Variants in MAST4 observed in about 807,000 individuals in gnomAD.
MAST4 encodes the protein microtubule-associated serine/threonine-protein kinase 4.
Under a neutral mutation model 162.7 loss-of-function variants are expected in MAST4, and 89 were observed. The observed-to-expected ratio is 0.55, with a 90% CI of 0.46 to 0.65. MAST4 has a LOEUF of 0.65. Ranked by LOEUF, MAST4 falls within the 30% of genes least tolerant of loss-of-function variation. The pLI is 0.00. For missense variants in MAST4, 3,153 were observed against 3,374.0 expected, an observed-to-expected ratio of 0.93 and a Z score of 1.62; for synonymous variants, 1,479 against 1,361.1, an observed-to-expected ratio of 1.09 and a Z score of -1.91.
intron 11 of MAST4, among the ~76,000 whole-genome samples, chr5:67,111,221 A>G (rs1475818430): frequency 6.6e-6 from 1 of 152,234 alleles, no homozygotes; most frequent in Admixed American, 6.5e-5. Flanking sequence ...TCCACTGGTT[A>G]TTAAAGTAAT....
intron 3 of MAST4, among the ~76,000 whole-genome samples, chr5:66,837,889 TATA>T (rs1475975186): frequency 1.1e-4 from 3 of 28,336 alleles, no homozygotes; most frequent in African/African-American, 3.2e-4. Flanking sequence ...TATATATATA[TATA>T]TATTTTTTTT....
intron 3 of MAST4, among the ~76,000 whole-genome samples, chr5:66,853,039 C>T (rs1192102979): frequency 6.6e-6 from 1 of 152,206 alleles, no homozygotes; most frequent in African/African-American, 2.4e-5. Context: ...TAAATCAAGT[C>T]CCTTTGTGAT....
intron 7 of MAST4, among the ~76,000 whole-genome samples, chr5:67,098,481 T>A (rs1268350045): frequency 6.6e-6 from 1 of 152,186 alleles, no homozygotes; most frequent in Non-Finnish European, 1.5e-5. Context: ...TAAATTATTT[T>A]CTGCTGAAAG....
chr5:66,670,403 C>T (rs990854116), intron 1 of MAST4, among the ~76,000 whole-genome samples: 1 of 152,020 alleles, frequency 6.6e-6, no homozygotes, highest in Admixed American at 6.6e-5. Flanking sequence ...AACTCCTAAT[C>T]GTTGATTTAC....
At chr5:66,782,879 G>T (rs79087545) in intron 2 of MAST4, among the ~76,000 whole-genome samples, 1 of 152,104 alleles carries the variant, frequency 6.6e-6, no homozygotes, top group Non-Finnish European at 1.5e-5. Flanking sequence ...GCATGAATAC[G>T]ACAGCAACAC....
At chr5:66,883,707 A>G (rs1444167839) in intron 3 of MAST4, among the ~76,000 whole-genome samples, 1 of 152,066 alleles carries the variant, frequency 6.6e-6, no homozygotes, top group Non-Finnish European at 1.5e-5. Context: ...GATTACAGGC[A>G]TGAGCCACCG....
In MAST4 at chr5:66,781,851, C is replaced by T. The variant is rs114576609; in HGVS notation, c.518-6819C>T. Among the ~76,000 whole-genome samples the T allele has an allele frequency of 5.6e-3, 847 of 152,254 alleles. 8 individuals are homozygous for T. Among genetic ancestry groups the T allele is most frequent in the South Asian group, 0.051 (248 of 4,820 alleles). On this transcript the variant is annotated intron_variant, in intron 2 of 28. Transcript: ENST00000403625. ...TTTAATGGAAGCTTTCAAATCTAAT[C>T]GGGTACCATTATTCCCCAGTGATAA...
At chr5:66,723,569 T>C (rs1751346768) in intron 1 of MAST4, among the ~76,000 whole-genome samples, 1 of 152,250 alleles carries the variant, frequency 6.6e-6, no homozygotes, top group Admixed American at 6.5e-5. Flanking sequence ...TTATTTTTGA[T>C]CACATATCGA....
At chr5:67,092,046 G>A (rs573797337) in intron 6 of MAST4, among the ~76,000 whole-genome samples, 6 of 152,288 alleles carry the variant, frequency 3.9e-5, no homozygotes, top group Non-Finnish European at 7.4e-5. Flanking sequence ...TCTGGGATAT[G>A]TCTCTCCATT....
At chr5:67,120,396 A>G (rs747863588) in intron 13 of MAST4, among the ~76,000 whole-genome samples, 1 of 152,242 alleles carries the variant, frequency 6.6e-6, no homozygotes, top group Non-Finnish European at 1.5e-5. Context: ...TCTCCATGCT[A>G]AGATAAATGG....
chr5:66,974,131 C>T (rs1022598147), intron 4 of MAST4, among the ~76,000 whole-genome samples: 2 of 152,200 alleles, frequency 1.3e-5, no homozygotes, highest in Non-Finnish European at 2.9e-5. Context: ...TCTATGAGAA[C>T]ACCACCACCA....
At chr5:67,012,319 G>A (rs1369522522) in intron 4 of MAST4, among the ~76,000 whole-genome samples, 1 of 152,108 alleles carries the variant, frequency 6.6e-6, no homozygotes, top group African/African-American at 2.4e-5. Context: ...GAATAATTTG[G>A]GAAAGTCCTT....
intron 3 of MAST4, among the ~76,000 whole-genome samples, chr5:66,868,470 T>C (rs1760693990): frequency 6.7e-6 from 1 of 148,818 alleles, no homozygotes; most frequent in African/African-American, 2.5e-5. Context: ...TGTATATATA[T>C]ACGCAAATAA....
chr5:66,866,237 G>A lies in MAST4; in HGVS notation c.643-33714G>A, dbSNP rs373461375. Among the ~76,000 whole-genome samples, 14 of 152,114 alleles carry A rather than the reference G, an allele frequency of 9.2e-5. No homozygotes were observed. The East Asian group carries it at 9.6e-4, about 10-fold the overall frequency. ...TCAGCGATGGGGAGATCCCATTTTG[G>A]TGACTCACTTCTCAAGCTAATTTGA... On this transcript the variant is annotated intron_variant, in intron 3 of 28. Coordinates refer to ENST00000403625, the MANE Select transcript of MAST4 (RefSeq NM_001164664.2).
chr5:67,153,611 G>A (rs1300733180), intron 26 of MAST4, 31 bp downstream of exon 26: 1 of 1,536,380 alleles, frequency 6.5e-7, no homozygotes, highest in Non-Finnish European at 8.8e-7. Context: ...GGGCCATGCT[G>A]ATGAGACAGG....
At chr5:66,995,660 C>G (rs1750548837) in intron 4 of MAST4, among the ~76,000 whole-genome samples, 1 of 152,128 alleles carries the variant, frequency 6.6e-6, no homozygotes, top group East Asian at 1.9e-4. Flanking sequence ...CTCGGCCTCC[C>G]AAAGTGCTGG....
intron 1 of MAST4, among the ~76,000 whole-genome samples, chr5:66,677,401 A>G (rs184044828): frequency 5.3e-5 from 8 of 152,168 alleles, no homozygotes; most frequent in Non-Finnish European, 1.2e-4. Flanking sequence ...CTTTTAGTTT[A>G]TTGTTCTGGA....
chr5:66,923,085 A>C (rs1764651948), intron 4 of MAST4, among the ~76,000 whole-genome samples: 4 of 152,222 alleles, frequency 2.6e-5, no homozygotes, highest in Admixed American at 2.6e-4. Flanking sequence ...GGCTCCTTGG[A>C]AGCCTGAACA....
chr5:66,850,908 G>C (rs1759258256), intron 3 of MAST4, among the ~76,000 whole-genome samples: 1 of 147,234 alleles, frequency 6.8e-6, no homozygotes, highest in East Asian at 2.0e-4. Context: ...CCTGACCCAA[G>C]ATGTTGCCAC....
Sources: allele counts gnomAD v4.1 joint callset (sites outside exome capture counted in the v4.1 genomes callset), GRCh38; gene constraint gnomAD v4.1.1; transcripts MANE v1.5; gene names NCBI Gene and HGNC (gene_info 2026-07-23, HGNC 2026-07-21).